Variants in POLR1E observed in about 807,000 individuals in gnomAD.
POLR1E encodes DNA-directed RNA polymerase I subunit RPA49.
In POLR1E, 37 loss-of-function variants were observed where a neutral mutation model predicts 50.9. The ratio of observed to expected loss-of-function variants is 0.73; its 90% CI spans 0.56 to 0.96. The LOEUF (loss-of-function observed/expected upper bound fraction) is 0.96. Ranked by LOEUF, POLR1E falls within the 40% of genes least tolerant of loss-of-function variation. The pLI is 0.00. For missense variants in POLR1E, 426 were observed against 518.1 expected (o/e 0.82, Z 1.73); for synonymous variants, 166 against 191.6 (o/e 0.87, Z 1.10).
At position 37,503,594 on chromosome 9, in the gene POLR1E, G is replaced by A. The variant is rs1293442939; in HGVS notation, c.*392G>A. 2.5e-5 allele frequency: 4 copies of A among 157,146 alleles called. No individual in the cohort carries two copies. The highest frequency in any genetic ancestry group is 5.6e-5 in the Non-Finnish European group (4 of 71,412). 9.7% of individuals were successfully genotyped at this position (157,146 alleles called of 1,614,324 possible). On this transcript the variant is annotated 3_prime_UTR_variant, in exon 12 of 12. Coordinates refer to ENST00000377798, the MANE Select transcript of POLR1E (RefSeq NM_022490.4). ...CCTTGTCTCAAAAAAGTAACATAAG[G>A]AAAAAAGAAGCCTTGCTTTAGCACA...
At chr9:37,499,824 C>T (rs1267831352) in intron 9 of POLR1E, among the ~76,000 whole-genome samples, 4 of 151,140 alleles carry the variant, frequency 2.6e-5, no homozygotes, top group Admixed American at 2.0e-4. Context: ...TGAGCTACTG[C>T]ACCCAGCTTG....
intron 9 of POLR1E, among the ~76,000 whole-genome samples, chr9:37,498,726 T>C (rs10973378): frequency 0.21 from 32,664 of 151,984 alleles, 3,644 homozygotes; most frequent in East Asian, 0.26. Context: ...GTAGCTAGGA[T>C]CCTTTGCGGG....
intron 11 of POLR1E, 80 bp from the exon 12 acceptor site, chr9:37,502,963 G>A (rs1444335548): frequency 5.0e-6 from 7 of 1,387,532 alleles, no homozygotes; most frequent in Admixed American, 2.3e-5. Flanking sequence ...GAGCATGAAT[G>A]TGCTGCTACC....
At chr9:37,488,729 G>C (rs759017838) in intron 3 of POLR1E, among the ~76,000 whole-genome samples, 1 of 151,512 alleles carries the variant, frequency 6.6e-6, no homozygotes, top group Non-Finnish European at 1.5e-5. Flanking sequence ...TTACACTACC[G>C]CAGTGAGCCC....
intron 10 of POLR1E, among the ~76,000 whole-genome samples, chr9:37,501,364 A>G (rs1820885087): frequency 6.6e-6 from 1 of 152,222 alleles, no homozygotes; most frequent in Non-Finnish European, 1.5e-5. Context: ...GCTTGGAAGA[A>G]TCAGCACAGC....
intron 3 of POLR1E, among the ~76,000 whole-genome samples, chr9:37,488,627 C>A (rs779444366): frequency 6.6e-6 from 1 of 152,148 alleles, no homozygotes; most frequent in Non-Finnish European, 1.5e-5. Context: ...CAATTGGTCT[C>A]CTCCCCGTTT....
chr9:37,498,094 T>C lies in POLR1E; in HGVS notation c.756T>C (p.His252=), dbSNP rs1300306266. 1 of 1,613,714 alleles carries C rather than the reference T, an allele frequency of 6.2e-7. No individual in the cohort carries two copies. The highest frequency in any genetic ancestry group is 1.3e-5 in the African/African-American group (1 of 74,966). The change falls in exon 9 of 12, where the codon CAT becomes CAC. Residue 252 remains histidine, a synonymous_variant. Transcript: ENST00000377798. ...EILKMIEENS[H]CTFVIEALKS... ...CCTTTTCTTTTCCTTGTTTTAGCCA[T>C]TGCACCTTTGTCATAGAAGCGTTGA...
chr9:37,490,366 T>C, intron 4 of POLR1E: 1 of 618,288 alleles, frequency 1.6e-6, no homozygotes, highest in Non-Finnish European at 2.9e-6. Flanking sequence ...ACACTTCTAC[T>C]CAATGAAGAG....
At chr9:37,502,933 G>A (rs752521797) in intron 11 of POLR1E, 110 bp from the exon 12 acceptor site, 10 of 1,203,406 alleles carry the variant, frequency 8.3e-6, no homozygotes, top group East Asian at 2.5e-5. Flanking sequence ...CAACCTTTGG[G>A]ATTCTGTCTT....
At position 37,487,665 on chromosome 9, in the gene POLR1E, G is replaced by C. The variant is rs536766556; in HGVS notation, c.181-198G>C. On this transcript the variant is annotated intron_variant, in intron 2 of 11. Transcript: ENST00000377798. ...AGCACCATCTGAGGCTTCTCTTCCA[G>C]AAGTCGTCTTGCTTCCCCTGCAGGG... Among the ~76,000 whole-genome samples, 3 of 152,316 alleles carry C rather than the reference G, an allele frequency of 2.0e-5. No homozygotes were observed. In the South Asian group the frequency reaches 6.2e-4, roughly 32 times the overall value.
chr9:37,494,420 T>C (rs1194687162), intron 6 of POLR1E, among the ~76,000 whole-genome samples: 1 of 152,176 alleles, frequency 6.6e-6, no homozygotes, highest in African/African-American at 2.4e-5. Flanking sequence ...TTATATAGAT[T>C]TCAACACTTT....
chr9:37,498,314 G>T, intron 9 of POLR1E, 90 bp downstream of exon 9: 1 of 1,355,702 alleles, frequency 7.4e-7, no homozygotes, highest in Non-Finnish European at 1.0e-6. Flanking sequence ...AGAAGAAAAT[G>T]GATATGTCTG....
chr9:37,487,483 A>C (rs1820600646), intron 2 of POLR1E, among the ~76,000 whole-genome samples: 1 of 152,186 alleles, frequency 6.6e-6, no homozygotes, highest in African/African-American at 2.4e-5. Context: ...TGGGGAGTGA[A>C]TCAGCCATGG....
In POLR1E at chr9:37,495,152, G is replaced by GT; in HGVS notation, c.548-14dup. 2.5e-6 allele frequency: 4 copies of GT among 1,598,910 alleles called. No homozygotes were observed. Among genetic ancestry groups the GT allele is most frequent in the Non-Finnish European group, 3.4e-6 (4 of 1,166,446 alleles). On this transcript the variant is annotated splice_polypyrimidine_tract_variant and intron_variant, in intron 6 of 11. Transcript: ENST00000377798. Reference sequence around the variant, plus strand: ...AAACAAACAGGGTGATACATGGATTGTTTCTTTATTGAAAAGCTCTGGTCA... The same window carrying GT: ...AAACAAACAGGGTGATACATGGATTGTTTTCTTTATTGAAAAGCTCTGGTCA...
At chr9:37,490,904 T>A in intron 4 of POLR1E, 1 of 510,496 alleles carries the variant, frequency 2.0e-6, no homozygotes, top group Non-Finnish European at 3.8e-6. Context: ...TTTGATGAAT[T>A]ACTGCAAGAT....
chr9:37,493,590 C>A lies in POLR1E; in HGVS notation c.434C>A (p.Thr145Asn). Residue 145 changes from threonine to asparagine, a missense_variant, in exon 6 of 12, where the codon ACC (threonine) becomes AAC (asparagine). By Grantham distance (65) the Thr-to-Asn change is moderately conservative. Transcript: ENST00000377798. ...MDSCIEAFGT[T>N]KQKRALNTRR... ...TCTTGTATTGAAGCCTTTGGTACCA[C>A]CAAACAGAAGCGAGCTCTGAACACC... 6.2e-7 allele frequency: 1 copy of A among 1,608,822 alleles called. No homozygotes were observed. Among genetic ancestry groups the A allele is most frequent in the East Asian group, 2.2e-5 (1 of 44,660 alleles).
At chr9:37,493,484 C>G in intron 5 of POLR1E, 75 bp from the exon 6 acceptor site, 1 of 1,303,042 alleles carries the variant, frequency 7.7e-7, no homozygotes, top group Non-Finnish European at 1.0e-6. Context: ...CTGAGAGTAT[C>G]CCCATAGTGA....
intron 11 of POLR1E, 76 bp downstream of exon 11, chr9:37,501,920 G>A: frequency 6.1e-6 from 9 of 1,468,980 alleles, no homozygotes; most frequent in African/African-American, 1.4e-5. Flanking sequence ...AAAGCATGAG[G>A]CACCACCAAG....
chr9:37,503,123 A>G lies in POLR1E; in HGVS notation c.1181A>G (p.His394Arg), dbSNP rs1295806124. Residue 394 changes from histidine to arginine, a missense_variant, in exon 12 of 12, where the codon CAC becomes CGC. Coordinates refer to ENST00000377798, the MANE Select transcript of POLR1E (RefSeq NM_022490.4). ...GTGGCCGCCGGCAGTGAAGAAGATC[A>G]CAAGCTGGGCACCCTGTCCCTCCCG... ...VSVAAGSEED[H>R]KLGTLSLPLP... is the part of the protein sequence containing the mutation. 2 of 1,613,894 alleles carry G rather than the reference A, an allele frequency of 1.2e-6. No homozygotes were observed. Among genetic ancestry groups the G allele is most frequent in the Non-Finnish European group, 1.7e-6 (2 of 1,179,986 alleles).
Sources: allele counts gnomAD v4.1 joint callset (sites outside exome capture counted in the v4.1 genomes callset), GRCh38; gene constraint gnomAD v4.1.1; transcripts MANE v1.5; gene names NCBI Gene and HGNC (gene_info 2026-07-23, HGNC 2026-07-21).